Variants in GRIA2 observed in about 807,000 individuals in gnomAD.
GRIA2 encodes glutamate ionotropic receptor AMPA type subunit 2, also known as glutamate receptor 2.
A neutral mutation model predicts 97.3 loss-of-function variants in GRIA2; 14 were observed. That is an observed-to-expected ratio of 0.14 (90% CI 0.10 to 0.23). The LOEUF is 0.23. GRIA2 is among the 10% of genes least tolerant of loss of function. The pLI is 1.00. For synonymous variants in GRIA2, 412 were observed against 387.8 expected (o/e 1.06, Z -0.73); for missense variants, 558 against 1,069.8 (o/e 0.52, Z 6.67).
intron 6 of GRIA2, 56 bp from the exon 7 acceptor site, chr4:157,332,763 G>A: frequency 7.7e-7 from 1 of 1,304,362 alleles, no homozygotes; most frequent in Non-Finnish European, 1.1e-6. Context: ...TTGCTGGGGT[G>A]CAGTGAGTTT....
At chr4:157,289,221 C>T (rs948332077) in intron 2 of GRIA2, among the ~76,000 whole-genome samples, 5 of 151,860 alleles carry the variant, frequency 3.3e-5, no homozygotes, top group African/African-American at 1.2e-4. Context: ...CAATATGTCC[C>T]TTAAAATTTT....
intron 8 of GRIA2, 134 bp from the exon 9 acceptor site, chr4:157,333,876 G>A: frequency 1.8e-6 from 1 of 560,736 alleles, no homozygotes; most frequent in South Asian, 2.7e-5. Context: ...ATATATAAAA[G>A]ACATTTCTAT....
At chr4:157,267,118 T>C (rs1200988596) in intron 2 of GRIA2, among the ~76,000 whole-genome samples, 3 of 151,454 alleles carry the variant, frequency 2.0e-5, no homozygotes, top group Non-Finnish European at 4.4e-5. Flanking sequence ...AAAAGGATGC[T>C]AGCTTTGTGT....
intron 12 of GRIA2, among the ~76,000 whole-genome samples, chr4:157,356,190 T>C (rs1447419300): frequency 7.4e-6 from 1 of 135,202 alleles, no homozygotes; most frequent in East Asian, 2.0e-4. Flanking sequence ...TATATTTATT[T>C]ATATATATTT....
At chr4:157,287,388 T>G (rs902634350) in intron 2 of GRIA2, among the ~76,000 whole-genome samples, 26 of 151,554 alleles carry the variant, frequency 1.7e-4, no homozygotes, top group Non-Finnish European at 3.3e-4. Context: ...TGTCTCATTA[T>G]TTTGTGTGTG....
At chr4:157,309,706 G>T (rs981995072) in intron 3 of GRIA2, among the ~76,000 whole-genome samples, 6 of 151,982 alleles carry the variant, frequency 3.9e-5, no homozygotes, top group African/African-American at 1.5e-4. Flanking sequence ...TTAGATTTAG[G>T]ATTTCCACTT....
intron 3 of GRIA2, among the ~76,000 whole-genome samples, chr4:157,307,339 A>C (rs1733887574): frequency 6.6e-6 from 1 of 152,228 alleles, no homozygotes; most frequent in Non-Finnish European, 1.5e-5. Context: ...AATTAGAGAC[A>C]TGGATGCATG....
At chr4:157,318,905 T>C (rs1734439030) in intron 5 of GRIA2, among the ~76,000 whole-genome samples, 1 of 152,178 alleles carries the variant, frequency 6.6e-6, no homozygotes, top group South Asian at 2.1e-4. Flanking sequence ...AAGACATTAG[T>C]TCTAGTGGTG....
At chr4:157,353,836 G>A (rs947948107) in intron 12 of GRIA2, among the ~76,000 whole-genome samples, 3 of 152,004 alleles carry the variant, frequency 2.0e-5, no homozygotes, top group Non-Finnish European at 4.4e-5. Context: ...TTTAAAATTA[G>A]TTTTATTTAA....
intron 2 of GRIA2, among the ~76,000 whole-genome samples, chr4:157,277,997 T>C (rs1732425352): frequency 6.6e-6 from 1 of 150,836 alleles, no homozygotes; most frequent in Non-Finnish European, 1.5e-5. Flanking sequence ...AGATATTCCA[T>C]ATTCATGGAT....
intron 7 of GRIA2, 125 bp downstream of exon 7, chr4:157,333,111 C>T: frequency 1.0e-6 from 1 of 956,186 alleles, no homozygotes; most frequent in Non-Finnish European, 1.6e-6. Context: ...TTTCTAACAA[C>T]ACAAAGGTAG....
intron 2 of GRIA2, among the ~76,000 whole-genome samples, chr4:157,234,668 A>C (rs1255920565): frequency 6.6e-6 from 1 of 152,060 alleles, no homozygotes; most frequent in Non-Finnish European, 1.5e-5. Flanking sequence ...GTTCATTGTG[A>C]CTTCTTCCGT....
At chr4:157,259,306 C>T (rs1182555453) in intron 2 of GRIA2, among the ~76,000 whole-genome samples, 1 of 152,066 alleles carries the variant, frequency 6.6e-6, no homozygotes, top group Non-Finnish European at 1.5e-5. Flanking sequence ...AATTATGGAG[C>T]TTCAAAATAT....
intron 12 of GRIA2, among the ~76,000 whole-genome samples, chr4:157,353,364 A>G (rs536895978): frequency 4.0e-5 from 6 of 150,688 alleles, no homozygotes; most frequent in South Asian, 2.1e-4. Flanking sequence ...AAAACAAAAC[A>G]AAACAAAACA....
At chr4:157,293,864 A>C (rs1338663057) in intron 2 of GRIA2, among the ~76,000 whole-genome samples, 1 of 152,144 alleles carries the variant, frequency 6.6e-6, no homozygotes, top group Non-Finnish European at 1.5e-5. Flanking sequence ...GACTCAATGC[A>C]TCAAGGGTGT....
At chr4:157,263,610 G>C (rs1251798784) in intron 2 of GRIA2, among the ~76,000 whole-genome samples, 1 of 151,936 alleles carries the variant, frequency 6.6e-6, no homozygotes, top group African/African-American at 2.4e-5. Flanking sequence ...ACAACAGATG[G>C]TTAAAGGATC....
chr4:157,247,503 C>T (rs1265424362), intron 2 of GRIA2, among the ~76,000 whole-genome samples: 1 of 151,992 alleles, frequency 6.6e-6, no homozygotes, highest in Admixed American at 6.6e-5. Flanking sequence ...AGATAGGGTC[C>T]AAGGAAGGTT....
chr4:157,351,891 A>C (rs1364550518), intron 12 of GRIA2, among the ~76,000 whole-genome samples: 1 of 152,204 alleles, frequency 6.6e-6, no homozygotes, highest in Non-Finnish European at 1.5e-5. Context: ...AGCCATGCTG[A>C]ACTGTGAGAG....
At chr4:157,238,090 T>C (rs1322179825) in intron 2 of GRIA2, among the ~76,000 whole-genome samples, 1 of 152,174 alleles carries the variant, frequency 6.6e-6, no homozygotes, top group Non-Finnish European at 1.5e-5. Context: ...AACACTGTAT[T>C]TAGTTTCATC....
Sources: gnomAD v4.1 joint callset for allele counts (sites outside exome capture counted in the v4.1 genomes callset) on GRCh38, gnomAD v4.1.1 for gene constraint, MANE v1.5 for transcripts, NCBI Gene and HGNC (gene_info 2026-07-23, HGNC 2026-07-21) for gene names.